The following ZNF804A variants were observed in gnomAD, a reference collection of about 807,000 sequenced individuals.
ZNF804A encodes zinc finger protein 804A.
In ZNF804A, 2 loss-of-function variants were observed where a neutral mutation model predicts 16.5. That is an observed-to-expected ratio of 0.12 (90% confidence interval 0.05 to 0.38). The LOEUF (loss-of-function observed/expected upper bound fraction) is 0.38, where lower values mean the gene tolerates loss of function less well. Ranked by LOEUF, ZNF804A falls within the 10% of genes least tolerant of loss-of-function variation. The pLI, the probability that ZNF804A is intolerant of heterozygous loss-of-function variation, is 0.99. For missense variants in ZNF804A, 1,473 were observed against 1,390.7 expected (o/e 1.06, Z -0.94); for synonymous variants, 534 against 489.6 (o/e 1.09, Z -1.20).
chr2:184,741,347 A>T (rs1242180667), intron 1 of ZNF804A, among the ~76,000 whole-genome samples: 1 of 152,182 alleles, frequency 6.6e-6, no homozygotes, highest in Non-Finnish European at 1.5e-5. Flanking sequence ...CCTGGCAATG[A>T]TGTGTGACTA....
At chr2:184,608,748 A>G (rs1691191740) in intron 1 of ZNF804A, among the ~76,000 whole-genome samples, 1 of 152,172 alleles carries the variant, frequency 6.6e-6, no homozygotes, top group Non-Finnish European at 1.5e-5. Flanking sequence ...AGGTAGGAGG[A>G]CAAGCTTATA....
intron 1 of ZNF804A, among the ~76,000 whole-genome samples, chr2:184,781,438 A>G (rs893438419): frequency 6.6e-6 from 1 of 151,836 alleles, no homozygotes; most frequent in Non-Finnish European, 1.5e-5. Context: ...ACAATCTTTA[A>G]AAATAAAACA....
At chr2:184,677,956 A>C (rs931467225) in intron 1 of ZNF804A, among the ~76,000 whole-genome samples, 1 of 152,030 alleles carries the variant, frequency 6.6e-6, no homozygotes, top group Non-Finnish European at 1.5e-5. Context: ...CTATCTGACT[A>C]TCATATCCAC....
chr2:184,717,949 G>A (rs759320434), intron 1 of ZNF804A, among the ~76,000 whole-genome samples: 4 of 152,092 alleles, frequency 2.6e-5, no homozygotes, highest in Admixed American at 6.6e-5. Context: ...ATTCAATATA[G>A]CATTTGAAAT....
chr2:184,686,550 GT>G (rs1331661643), intron 1 of ZNF804A, among the ~76,000 whole-genome samples: 1 of 152,156 alleles, frequency 6.6e-6, no homozygotes, highest in Non-Finnish European at 1.5e-5. Flanking sequence ...TTTCCTTTGG[GT>G]ATATGCCCAG....
At chr2:184,628,106 G>T (rs1173318518) in intron 1 of ZNF804A, among the ~76,000 whole-genome samples, 9 of 152,160 alleles carry the variant, frequency 5.9e-5, no homozygotes, top group Non-Finnish European at 1.0e-4. Flanking sequence ...CCTCAGGTCT[G>T]GAGTTGGAGA....
intron 1 of ZNF804A, among the ~76,000 whole-genome samples, chr2:184,768,993 T>C (rs1694170928): frequency 6.6e-6 from 1 of 152,080 alleles, no homozygotes; most frequent in African/African-American, 2.4e-5. Context: ...AGAGTGAATA[T>C]CCTGCATCTA....
At chr2:184,762,759 T>C (rs1694058840) in intron 1 of ZNF804A, among the ~76,000 whole-genome samples, 1 of 152,110 alleles carries the variant, frequency 6.6e-6, no homozygotes, top group Admixed American at 6.6e-5. Context: ...TATTTTTATT[T>C]GCTATTTATC....
At chr2:184,852,716 A>T (rs576261869) in intron 1 of ZNF804A, among the ~76,000 whole-genome samples, 3 of 151,826 alleles carry the variant, frequency 2.0e-5, no homozygotes, top group African/African-American at 7.2e-5. Context: ...TCCTTTCCCC[A>T]TTGTGTGTAC....
intron 2 of ZNF804A, among the ~76,000 whole-genome samples, chr2:184,932,550 C>T (rs967588824): frequency 3.9e-5 from 6 of 152,252 alleles, no homozygotes; most frequent in Non-Finnish European, 8.8e-5. Flanking sequence ...CCACTGGGTA[C>T]TTCGCACCAC....
chr2:184,631,860 T>C (rs150316387), intron 1 of ZNF804A, among the ~76,000 whole-genome samples: 1 of 152,312 alleles, frequency 6.6e-6, no homozygotes, highest in Non-Finnish European at 1.5e-5. Context: ...GTAACTTAAC[T>C]TTTATGAACC....
chr2:184,790,692 C>G (rs1264403694), intron 1 of ZNF804A, among the ~76,000 whole-genome samples: 6 of 152,070 alleles, frequency 3.9e-5, no homozygotes, highest in Non-Finnish European at 7.4e-5. Context: ...CAAGCTCCCC[C>G]TCCTAGGTTC....
chr2:184,775,424 A>G (rs891227283), intron 1 of ZNF804A, among the ~76,000 whole-genome samples: 1 of 151,740 alleles, frequency 6.6e-6, no homozygotes, highest in African/African-American at 2.4e-5. Context: ...TTAAAGAATG[A>G]GTAAATATTC....
intron 1 of ZNF804A, among the ~76,000 whole-genome samples, chr2:184,829,939 A>G (rs1176422213): frequency 6.9e-6 from 1 of 144,492 alleles, no homozygotes; most frequent in African/African-American, 2.7e-5. Context: ...CAAAAAAAAA[A>G]AAACCACACA....
chr2:184,738,806 C>T (rs185908375), intron 1 of ZNF804A, among the ~76,000 whole-genome samples: 11 of 152,194 alleles, frequency 7.2e-5, no homozygotes, highest in Admixed American at 2.0e-4. Flanking sequence ...GGAAACAAGA[C>T]GTCTACAAAG....
intron 1 of ZNF804A, among the ~76,000 whole-genome samples, chr2:184,703,010 C>T (rs1489728488): frequency 6.6e-6 from 1 of 152,096 alleles, no homozygotes; most frequent in Non-Finnish European, 1.5e-5. Context: ...TTATGCATAT[C>T]AGAATTTTCT....
At chr2:184,634,813 G>T (rs62176173) in intron 1 of ZNF804A, among the ~76,000 whole-genome samples, 39,581 of 152,036 alleles carry the variant, frequency 0.26, 6,269 homozygotes, top group East Asian at 0.49. Context: ...CACTAAGTTT[G>T]TGGTCATTTG....
intron 1 of ZNF804A, among the ~76,000 whole-genome samples, chr2:184,786,855 T>G (rs998899820): frequency 3.3e-5 from 5 of 151,976 alleles, no homozygotes; most frequent in African/African-American, 9.7e-5. Context: ...GAAATTTGAT[T>G]TACAGAAAAA....
At chr2:184,886,916 C>T (rs1684899981) in intron 2 of ZNF804A, among the ~76,000 whole-genome samples, 1 of 152,220 alleles carries the variant, frequency 6.6e-6, no homozygotes, top group African/African-American at 2.4e-5. Flanking sequence ...ATATTTTCCC[C>T]ATGGTTTTTG....
Sources: gnomAD v4.1 joint callset for allele counts (sites outside exome capture counted in the v4.1 genomes callset) on GRCh38, gnomAD v4.1.1 for gene constraint, MANE v1.5 for transcripts, NCBI Gene and HGNC (gene_info 2026-07-23, HGNC 2026-07-21) for gene names.